PTPRA: variants seen among roughly 807,000 people sequenced by gnomAD.
PTPRA encodes protein tyrosine phosphatase receptor type A.
PTPRA carries 25 observed loss-of-function variants against 104.8 expected under a neutral mutation model. The observed-to-expected ratio is 0.24, with a 90% CI of 0.17 to 0.33. PTPRA has a LOEUF of 0.33. PTPRA is among the 10% of genes least tolerant of loss of function. The pLI is 1.00. For missense variants in PTPRA, 765 were observed against 1,015.3 expected (o/e 0.75, Z 3.35); for synonymous variants, 323 against 368.9 (o/e 0.88, Z 1.43).
chr20:2,866,819 C>T, the PTPRA span: 1,031 of 525,182 alleles, frequency 2.0e-3, 6 homozygotes, highest in African/African-American at 0.017. Flanking sequence ...CCATGTGTTC[C>T]GTTGTGTTGG....
At chr20:3,021,542 AT>A in intron 14 of PTPRA, 114 bp downstream of exon 14, 1 of 1,403,444 alleles carries the variant, frequency 7.1e-7, no homozygotes, top group South Asian at 1.3e-5. Context: ...CAGTATGTGA[AT>A]TCTGAAACCA....
chr20:2,904,315 G>A (rs1356281208), intron 1 of PTPRA, among the ~76,000 whole-genome samples: 3 of 152,110 alleles, frequency 2.0e-5, no homozygotes, highest in Admixed American at 6.6e-5. Context: ...GCAAATTAAC[G>A]AGAAATAGGC....
At chr20:2,912,500 C>T (rs2059759364) in intron 1 of PTPRA, among the ~76,000 whole-genome samples, 2 of 151,712 alleles carry the variant, frequency 1.3e-5, no homozygotes, top group African/African-American at 2.4e-5. Flanking sequence ...GGCTCACGCC[C>T]GTAGTCCCAG....
chr20:3,007,739 A>T (rs762780713), intron 11 of PTPRA, among the ~76,000 whole-genome samples: 13 of 152,176 alleles, frequency 8.5e-5, no homozygotes, highest in Admixed American at 2.6e-4. Flanking sequence ...CCTCAACAGT[A>T]AAAATAAGGG....
chr20:2,912,108 G>A (rs544257280), intron 1 of PTPRA, among the ~76,000 whole-genome samples: 1 of 151,988 alleles, frequency 6.6e-6, no homozygotes, highest in South Asian at 2.1e-4. Flanking sequence ...TTAGCAGGGT[G>A]TAGAGGCACA....
At chr20:3,006,161 A>G (rs1393770534) in intron 10 of PTPRA, among the ~76,000 whole-genome samples, 4 of 151,978 alleles carry the variant, frequency 2.6e-5, no homozygotes, top group South Asian at 2.1e-4. Context: ...CCCAGCCAGT[A>G]TATTTGCCTT....
chr20:2,866,360 G>A, the PTPRA span: 1 of 1,614,108 alleles, frequency 6.2e-7, no homozygotes. Context: ...CTGAGCTGTG[G>A]GCTGGTGAGA....
chr20:3,008,919 G>T (rs1320456030), intron 11 of PTPRA, among the ~76,000 whole-genome samples: 1 of 151,496 alleles, frequency 6.6e-6, no homozygotes, highest in East Asian at 1.9e-4. Flanking sequence ...CAAAAAAAAA[G>T]AAGAGTCAAA....
chr20:2,891,946 G>T (rs2058808715), intron 1 of PTPRA, among the ~76,000 whole-genome samples: 2 of 152,046 alleles, frequency 1.3e-5, no homozygotes, highest in South Asian at 2.1e-4. Context: ...TTATTTTATG[G>T]TTTTATTTGT....
At chr20:3,003,175 A>G (rs1415684347) in intron 9 of PTPRA, among the ~76,000 whole-genome samples, 1 of 152,154 alleles carries the variant, frequency 6.6e-6, no homozygotes, top group Non-Finnish European at 1.5e-5. Flanking sequence ...CTTTTCACCC[A>G]CAAGTTTATA....
At chr20:2,944,294 G>A (rs765613491) in intron 2 of PTPRA, among the ~76,000 whole-genome samples, 2 of 151,966 alleles carry the variant, frequency 1.3e-5, no homozygotes, top group Admixed American at 6.6e-5. Flanking sequence ...CACCTGCCTC[G>A]GCCTCCCAAA....
upstream of PTPRA, among the ~76,000 whole-genome samples, chr20:2,873,251 G>A (rs1435342471): frequency 2.0e-5 from 3 of 152,166 alleles, no homozygotes; most frequent in Non-Finnish European, 4.4e-5. This position sits in a 1 kb window ranked among gnomAD's most constrained non-coding sequence, Gnocchi z 4.4. Context: ...TGGTGCACTC[G>A]CAGCCGGTCC....
chr20:2,918,223 G>A (rs960713881), intron 1 of PTPRA, among the ~76,000 whole-genome samples: 1 of 151,870 alleles, frequency 6.6e-6, no homozygotes, highest in African/African-American at 2.4e-5. Context: ...GAGACAGGGT[G>A]ACCAGGCTAA....
Position 3,027,224 on chromosome 20 carries a change from C to T in PTPRA, c.1785+27C>T. 3 of 1,600,724 alleles carry T rather than the reference C, an allele frequency of 1.9e-6. No homozygotes were observed. The East Asian group carries it at 6.7e-5, about 36-fold the overall frequency. On this transcript the variant is annotated intron_variant, in intron 19 of 23. Transcript: ENST00000399903. ...TAAGTGGTGGGTGTGACCCCTGAGC[C>T]CCCAACACCCCGTGGAGATTCAGCC...
intron 12 of PTPRA, among the ~76,000 whole-genome samples, chr20:3,016,209 A>G (rs1184741718): frequency 3.3e-5 from 5 of 152,170 alleles, no homozygotes; most frequent in Non-Finnish European, 7.3e-5. Flanking sequence ...CAGGCTGCTC[A>G]GAGTTTGAAT....
chr20:2,899,495 CT>C (rs2059146487), intron 1 of PTPRA, among the ~76,000 whole-genome samples: 1 of 151,972 alleles, frequency 6.6e-6, no homozygotes, highest in Non-Finnish European at 1.5e-5. Flanking sequence ...GGGACATCCC[CT>C]ATTGAGCAGA....
upstream of PTPRA, among the ~76,000 whole-genome samples, chr20:2,869,954 A>G (rs2089407954): frequency 1.3e-5 from 2 of 151,770 alleles, no homozygotes; most frequent in South Asian, 4.2e-4. Flanking sequence ...CAGCCTGGGC[A>G]ATGAGTGAAA....
intron 22 of PTPRA, 71 bp downstream of exon 22, chr20:3,036,012 T>G (rs1346749723): frequency 1.2e-6 from 2 of 1,601,174 alleles, no homozygotes; most frequent in Non-Finnish European, 1.7e-6. Context: ...CTGATGACCA[T>G]GGGTCAGACT....
intron 2 of PTPRA, 102 bp from the exon 3 acceptor site, chr20:2,947,880 A>G: frequency 2.1e-6 from 1 of 476,772 alleles, no homozygotes; most frequent in South Asian, 1.8e-5. Flanking sequence ...TTACTTATAT[A>G]TAAAATTTGC....
Sources: gnomAD v4.1 joint callset for allele counts (sites outside exome capture counted in the v4.1 genomes callset) on GRCh38, gnomAD v4.1.1 for gene constraint, Gnocchi (gnomAD v3.1) non-coding constraint, MANE v1.5 for transcripts, NCBI Gene and HGNC (gene_info 2026-07-23, HGNC 2026-07-21) for gene names.